The following RNF152 variants were observed in gnomAD, a reference collection of about 807,000 sequenced individuals.
The protein encoded by RNF152 is ring finger protein 152, also known as E3 ubiquitin-protein ligase RNF152.
RNF152 carries 11 observed loss-of-function variants against 12.7 expected under a neutral mutation model. The ratio of observed to expected loss-of-function variants is 0.86; its 90% CI spans 0.54 to 1.43. RNF152 has a LOEUF of 1.43. Ranked by LOEUF, RNF152 falls within the 40% of genes most tolerant of loss-of-function variation. The pLI is 0.00. For synonymous variants in RNF152, 113 were observed against 120.3 expected (o/e 0.94, Z 0.40); for missense variants, 255 against 274.8 (o/e 0.93, Z 0.51).
rs775408371 is a variant in RNF152, at chr18:61,816,019, C to G, written c.445G>C (p.Glu149Gln). 1.2e-6 allele frequency: 2 copies of G among 1,614,226 alleles called. No individual in the cohort carries two copies. The highest frequency in any genetic ancestry group is 3.3e-5 in the Admixed American group (2 of 60,028). Residue 149 changes from glutamate (E) to glutamine (Q), a missense_variant, in exon 2 of 2, where the codon GAG (glutamate) becomes CAG (glutamine). By Grantham distance (29) the Glu-to-Gln change is conservative. Coordinates refer to ENST00000312828, the MANE Select transcript of RNF152 (RefSeq NM_173557.3). The part of the protein sequence containing the change: ...QQPLQGGAPQ[E>Q]AVEEEQDRRG... ...CTGTCCTGCTCCTCCTCCACCGCCT[C>G]CTGGGGAGCCCCACCTTGCAGAGGC...
At chr18:61,876,844 C>T (rs1318810265) in intron 1 of RNF152, among the ~76,000 whole-genome samples, 3 of 152,156 alleles carry the variant, frequency 2.0e-5, no homozygotes, top group South Asian at 2.1e-4. Flanking sequence ...GTCTTATGCT[C>T]ATTATTATGC....
At chr18:61,823,456 C>A (rs1254775920) in intron 1 of RNF152, among the ~76,000 whole-genome samples, 1 of 140,934 alleles carries the variant, frequency 7.1e-6, no homozygotes, top group Non-Finnish European at 1.6e-5. Flanking sequence ...CCACCACACC[C>A]AGCTAATTTT....
intron 1 of RNF152, among the ~76,000 whole-genome samples, chr18:61,848,604 C>T (rs75529025): frequency 3.3e-5 from 5 of 152,108 alleles, no homozygotes; most frequent in Non-Finnish European, 7.3e-5. Context: ...AGGAACTGTA[C>T]GTAGGTCTAT....
rs755850531 is a variant in RNF152 at position 61,815,938 on chromosome 18, C to T, written c.526G>A (p.Ala176Thr). 3.1e-6 allele frequency: 5 copies of T among 1,614,236 alleles called. No individual in the cohort carries two copies. The highest frequency in any genetic ancestry group is 4.2e-6 in the Non-Finnish European group (5 of 1,180,038). ...WSGVCTVILVACVLVFLLGIV... is the reference protein window; with the variant it reads ...WSGVCTVILVTCVLVFLLGIV... ...CCGAGGAGGAAGACCAAGACGCAAGCCACCAAGATGACAGTGCACACCCCC... is the reference window on the plus strand; with the variant it reads ...CCGAGGAGGAAGACCAAGACGCAAGTCACCAAGATGACAGTGCACACCCCC... The change falls in exon 2 of 2, where the codon GCT (alanine) becomes ACT (threonine). Residue 176 changes from alanine to threonine, a missense_variant. Ala to Thr is a moderately conservative substitution (Grantham distance 58). Transcript: ENST00000312828.
chr18:61,812,512 C>T lies in RNF152; in HGVS notation c.*3340G>A, dbSNP rs1908852132. On this transcript the variant is annotated 3_prime_UTR_variant, in exon 2 of 2. Coordinates refer to ENST00000312828, the MANE Select transcript of RNF152 (RefSeq NM_173557.3). ...GGAACCAAAAACCAAGTTGCCTTTT[C>T]ATCACAACTTATGCCCCAAGTCATT... 6.6e-6 allele frequency: 1 copy of T among 152,298 alleles called. No individual in the cohort carries two copies. The highest frequency in any genetic ancestry group is 2.1e-4 in the South Asian group (1 of 4,824). 9.4% of individuals were successfully genotyped at this position (152,298 alleles called of 1,614,324 possible). A position where few individuals can be genotyped will look rare whatever the true frequency, so the allele number is the denominator to read the frequency against.
At chr18:61,828,843 G>A (rs986409278) in intron 1 of RNF152, among the ~76,000 whole-genome samples, 13 of 152,156 alleles carry the variant, frequency 8.5e-5, no homozygotes, top group South Asian at 2.1e-4. Flanking sequence ...TGCTAAGGCC[G>A]GTGGGGAATA....
chr18:61,829,176 C>A (rs1019250615), intron 1 of RNF152, among the ~76,000 whole-genome samples: 68 of 152,134 alleles, frequency 4.5e-4, no homozygotes, highest in Non-Finnish European at 7.5e-4. Flanking sequence ...GGGCAGCACA[C>A]GGCAGGTGGT....
At chr18:61,862,387 A>G (rs2144718938) in intron 1 of RNF152, among the ~76,000 whole-genome samples, 1 of 152,352 alleles carries the variant, frequency 6.6e-6, no homozygotes, top group South Asian at 2.1e-4. Context: ...GACCATCCTG[A>G]AAAGAACTTC....
chr18:61,881,085 T>C (rs1330724693), intron 1 of RNF152, among the ~76,000 whole-genome samples: 1 of 152,072 alleles, frequency 6.6e-6, no homozygotes. Flanking sequence ...AACTAATTTT[T>C]GTATTTTTAG....
At chr18:61,821,949 T>C (rs770293977) in intron 1 of RNF152, among the ~76,000 whole-genome samples, 25 of 152,208 alleles carry the variant, frequency 1.6e-4, no homozygotes, top group South Asian at 4.2e-4. Flanking sequence ...ACAAAACCCA[T>C]CCCTGGTGCC....
chr18:61,821,734 C>T (rs145380156), intron 1 of RNF152, among the ~76,000 whole-genome samples: 104 of 152,278 alleles, frequency 6.8e-4, no homozygotes, highest in African/African-American at 2.2e-3. Context: ...CAGACAATTA[C>T]CGCCTGAGCT....
chr18:61,815,881 T>C lies in RNF152; in HGVS notation c.583A>G (p.Lys195Glu). 6.2e-7 allele frequency: 1 copy of C among 1,614,098 alleles called. No individual in the cohort carries two copies. Among genetic ancestry groups the C allele is most frequent in the African/African-American group, 1.3e-5 (1 of 75,032 alleles). Residue 195 changes from lysine (K) to glutamate (E), a missense_variant, in exon 2 of 2, where the codon AAG (lysine) becomes GAG (glutamate). Coordinates refer to ENST00000312828, the MANE Select transcript of RNF152 (RefSeq NM_173557.3). ...CCACAGGATATCACAGTGAAGCGCT[T>C]AGAAATGCAAGACATGTTGTGAAGC... ...IVLHNMSCIS[K>E]RFTVISCG
intron 1 of RNF152, among the ~76,000 whole-genome samples, chr18:61,892,330 AC>A: frequency 6.6e-6 from 1 of 152,344 alleles, no homozygotes; most frequent in East Asian, 1.9e-4. Context: ...CAGAAGAAAG[AC>A]AGTATTTCAT....
chr18:61,828,738 A>G (rs780003043), intron 1 of RNF152, among the ~76,000 whole-genome samples: 2 of 152,198 alleles, frequency 1.3e-5, no homozygotes, highest in South Asian at 4.1e-4. Flanking sequence ...AGTAACAAAT[A>G]CTACTATTAA....
chr18:61,876,289 T>C (rs905677212), intron 1 of RNF152, among the ~76,000 whole-genome samples: 1 of 152,246 alleles, frequency 6.6e-6, no homozygotes, highest in Admixed American at 6.5e-5. Context: ...TTTGTACGCA[T>C]GTTCTTACTC....
rs1209180108 is a variant in RNF152 at position 61,813,160 on chromosome 18, G to A, written c.*2692C>T. 6 of 152,020 alleles carry A rather than the reference G, an allele frequency of 3.9e-5. No individual in the cohort carries two copies. The highest frequency in any genetic ancestry group is 2.0e-4 in the Admixed American group (3 of 15,240). 9.4% of individuals were successfully genotyped at this position (152,020 alleles called of 1,614,324 possible). Reference sequence around the variant, plus strand: ...TCACATGGGTAGATGTGTTTGTTAAGGGTCATTGGTAAATGCCAGAAGAGG... The same window carrying A: ...TCACATGGGTAGATGTGTTTGTTAAAGGTCATTGGTAAATGCCAGAAGAGG... On this transcript the variant is annotated 3_prime_UTR_variant, in exon 2 of 2. Coordinates refer to ENST00000312828, the MANE Select transcript of RNF152 (RefSeq NM_173557.3).
At chr18:61,876,209 TG>T (rs1912208263) in intron 1 of RNF152, among the ~76,000 whole-genome samples, 1 of 152,228 alleles carries the variant, frequency 6.6e-6, no homozygotes, top group African/African-American at 2.4e-5. Flanking sequence ...CTACATTTTT[TG>T]TGAAGGCATT....
intron 1 of RNF152, among the ~76,000 whole-genome samples, chr18:61,824,139 G>C (rs138445890): frequency 3.3e-3 from 503 of 152,334 alleles, no homozygotes; most frequent in Middle Eastern, 0.017. Context: ...GTATTGCAGT[G>C]AGTGATGATA....
At chr18:61,867,238 G>A (rs1188137938) in intron 1 of RNF152, among the ~76,000 whole-genome samples, 1 of 152,160 alleles carries the variant, frequency 6.6e-6, no homozygotes, top group Non-Finnish European at 1.5e-5. Flanking sequence ...ATCAATTGAG[G>A]TCAGGAGTTC....
Sources: allele counts gnomAD v4.1 joint callset (sites outside exome capture counted in the v4.1 genomes callset), GRCh38; gene constraint gnomAD v4.1.1; transcripts MANE v1.5; gene names NCBI Gene and HGNC (gene_info 2026-07-23, HGNC 2026-07-21).